PLPP3: variants seen among roughly 807,000 people sequenced by gnomAD.
PLPP3 encodes PAP2 beta.
Under a neutral mutation model 29.6 loss-of-function variants are expected in PLPP3, and 6 were observed. The ratio of observed to expected loss-of-function variants is 0.20; its 90% CI spans 0.11 to 0.40. PLPP3 has a LOEUF of 0.40. Among genes scored for constraint, PLPP3 ranks in the 10% least tolerant of loss-of-function variants. The pLI, the probability that PLPP3 is intolerant of heterozygous loss-of-function variation, is 1.00. For missense variants in PLPP3, 308 were observed against 407.7 expected, an observed-to-expected ratio of 0.76 and a Z score of 2.11; for synonymous variants, 152 against 159.7, an observed-to-expected ratio of 0.95 and a Z score of 0.36.
chr1:56,551,496 G>C (rs1646038720), intron 1 of PLPP3, among the ~76,000 whole-genome samples: 1 of 152,062 alleles, frequency 6.6e-6, no homozygotes, highest in Admixed American at 6.6e-5. Context: ...AGATGGCGTG[G>C]TAAGCAGCCT....
At chr1:56,503,070 A>G (rs1467620876) in intron 5 of PLPP3, among the ~76,000 whole-genome samples, 4 of 152,026 alleles carry the variant, frequency 2.6e-5, no homozygotes, top group Non-Finnish European at 4.4e-5. Context: ...AAGAAAAGCC[A>G]TCTTTGGCAG....
intron 4 of PLPP3, among the ~76,000 whole-genome samples, chr1:56,521,995 T>C (rs1453321844): frequency 6.6e-6 from 1 of 152,156 alleles, no homozygotes; most frequent in Non-Finnish European, 1.5e-5. Context: ...TAAGAGGTAA[T>C]ATTCCTTAAG....
chr1:56,511,556 T>C (rs1191627528), intron 5 of PLPP3, among the ~76,000 whole-genome samples: 1 of 152,056 alleles, frequency 6.6e-6, no homozygotes, highest in Non-Finnish European at 1.5e-5. Flanking sequence ...ATGTGAGCAC[T>C]CGAGTCAGGA....
intron 1 of PLPP3, among the ~76,000 whole-genome samples, chr1:56,551,522 A>G (rs1646038886): frequency 6.6e-6 from 1 of 152,102 alleles, no homozygotes; most frequent in African/African-American, 2.4e-5. Context: ...GAACAGGTGC[A>G]CACACACGTT....
chr1:56,527,320 T>C (rs1645858848), intron 2 of PLPP3, among the ~76,000 whole-genome samples: 2 of 152,206 alleles, frequency 1.3e-5, no homozygotes, highest in Admixed American at 6.5e-5. Context: ...TATTTTGTAC[T>C]GTAGTTTCAT....
At chr1:56,499,094 C>G (rs1645649106) in intron 5 of PLPP3, among the ~76,000 whole-genome samples, 1 of 150,764 alleles carries the variant, frequency 6.6e-6, no homozygotes, top group South Asian at 2.1e-4. Context: ...CACCTTCCCC[C>G]CTTCAAGATC....
chr1:56,500,143 G>A (rs1173176885), intron 5 of PLPP3, among the ~76,000 whole-genome samples: 1 of 152,318 alleles, frequency 6.6e-6, no homozygotes, highest in East Asian at 1.9e-4. Flanking sequence ...GAAAATGAAT[G>A]AATGCAATCA....
In PLPP3 at chr1:56,532,059, T is replaced by C. The variant is rs1158064329; in HGVS notation, c.297+4896A>G. Among the ~76,000 whole-genome samples the C allele has an allele frequency of 3.3e-5, 5 of 152,164 alleles. No individual in the cohort carries two copies. In the East Asian group the frequency reaches 9.6e-4, roughly 29 times the overall value. Reference sequence around the variant, plus strand: ...TGAATCCCTAAGAGCTGTACCTAACTAAGGAAGAATTGCTGCTGTTCTCAC... The same window carrying C: ...TGAATCCCTAAGAGCTGTACCTAACCAAGGAAGAATTGCTGCTGTTCTCAC... On this transcript the variant is annotated intron_variant, in intron 2 of 5. Transcript: ENST00000371250.
chr1:56,555,130 G>C (rs1260694311), intron 1 of PLPP3, among the ~76,000 whole-genome samples: 1 of 152,036 alleles, frequency 6.6e-6, no homozygotes, highest in African/African-American at 2.4e-5. Context: ...GCCATGCCCT[G>C]CACAACTCCG....
chr1:56,523,336 G>A (rs764954709), intron 4 of PLPP3, among the ~76,000 whole-genome samples: 4 of 152,136 alleles, frequency 2.6e-5, no homozygotes, highest in Admixed American at 1.3e-4. Context: ...CTGCTGTTAC[G>A]TACATTTTGG....
At chr1:56,573,307 T>A (rs1646212946) in intron 1 of PLPP3, among the ~76,000 whole-genome samples, 1 of 152,196 alleles carries the variant, frequency 6.6e-6, no homozygotes, top group Non-Finnish European at 1.5e-5. Context: ...CAGGTCTGCA[T>A]CCAGGGGTAA....
intron 1 of PLPP3, among the ~76,000 whole-genome samples, chr1:56,576,045 G>T (rs1030979575): frequency 6.6e-6 from 1 of 152,102 alleles, no homozygotes; most frequent in Non-Finnish European, 1.5e-5. Flanking sequence ...ACTCCCACTG[G>T]TGTTATTTGA....
At chr1:56,503,670 AC>A (rs1645683238) in intron 5 of PLPP3, among the ~76,000 whole-genome samples, 1 of 151,742 alleles carries the variant, frequency 6.6e-6, no homozygotes, top group Admixed American at 6.6e-5. Flanking sequence ...CAAGAGTGAA[AC>A]TCCATCTCCA....
intron 1 of PLPP3, among the ~76,000 whole-genome samples, chr1:56,548,002 C>T (rs1437198066): frequency 6.6e-6 from 1 of 152,346 alleles, no homozygotes; most frequent in East Asian, 1.9e-4. Context: ...TCTTCCTTCC[C>T]AGTCCTGAAA....
intron 1 of PLPP3, among the ~76,000 whole-genome samples, chr1:56,565,563 G>A (rs1178498001): frequency 6.6e-6 from 1 of 152,106 alleles, no homozygotes; most frequent in Admixed American, 6.5e-5. Flanking sequence ...TGGGATTACA[G>A]GCACCCGCAA....
chr1:56,536,466 C>T (rs1039654685), intron 2 of PLPP3, among the ~76,000 whole-genome samples: 2 of 152,094 alleles, frequency 1.3e-5, no homozygotes, highest in East Asian at 1.9e-4. Context: ...GCCTGGTTTA[C>T]GATGTTATTA....
At chr1:56,498,531 G>A (rs971153953) in intron 5 of PLPP3, among the ~76,000 whole-genome samples, 1 of 152,088 alleles carries the variant, frequency 6.6e-6, no homozygotes, top group African/African-American at 2.4e-5. Flanking sequence ...CATCTGAGAG[G>A]TACAGACAAC....
At chr1:56,568,695 G>A (rs760166527) in intron 1 of PLPP3, among the ~76,000 whole-genome samples, 2 of 152,090 alleles carry the variant, frequency 1.3e-5, no homozygotes, top group Non-Finnish European at 2.9e-5. Flanking sequence ...GCGTGATCTC[G>A]GCTTACTGCA....
intron 1 of PLPP3, among the ~76,000 whole-genome samples, chr1:56,545,840 A>C (rs545278210): frequency 1.8e-4 from 28 of 152,294 alleles, no homozygotes; most frequent in African/African-American, 6.5e-4. Flanking sequence ...GGGACAGCCA[A>C]AGATCGAGAT....
Sources: gnomAD v4.1 joint callset for allele counts (sites outside exome capture counted in the v4.1 genomes callset) on GRCh38, gnomAD v4.1.1 for gene constraint, MANE v1.5 for transcripts, NCBI Gene and HGNC (gene_info 2026-07-23, HGNC 2026-07-21) for gene names.